GLB1: variants seen among roughly 807,000 people sequenced by gnomAD.
GLB1 encodes the protein beta-galactosidase.
A neutral mutation model predicts 74.0 loss-of-function variants in GLB1; 56 were observed. The ratio of observed to expected loss-of-function variants is 0.76; its 90% confidence interval spans 0.61 to 0.94. The LOEUF is 0.94. GLB1 is among the 40% of genes least tolerant of loss of function. The pLI is 0.00. For missense variants in GLB1, 787 were observed against 845.5 expected (o/e 0.93, Z 0.86); for synonymous variants, 323 against 323.6 (o/e 1.00, Z 0.02).
rs921799726 is a variant in GLB1, at chr3:33,021,479, T to G, written c.1233+87A>C. On this transcript the variant is annotated intron_variant, in intron 12 of 15. Coordinates refer to ENST00000307363, the MANE Select transcript of GLB1 (RefSeq NM_000404.4). ...TGCATTTGCTTACCATTTTGGCCCC[T>G]GAATTCAGAATGGGCACTGCAAGGC... 9.0e-6 allele frequency: 13 copies of G among 1,450,012 alleles called. No homozygotes were observed. In the East Asian group the frequency reaches 9.5e-5, roughly 11 times the overall value. 89.8% of individuals were successfully genotyped at this position (1,450,012 alleles called of 1,614,324 possible). A position where few individuals can be genotyped will look rare whatever the true frequency, so the allele number is the denominator to read the frequency against.
chr3:33,060,547 C>T (rs553368868), intron 5 of GLB1, among the ~76,000 whole-genome samples: 1 of 152,318 alleles, frequency 6.6e-6, no homozygotes, highest in South Asian at 2.1e-4. Flanking sequence ...CTCACAGCCT[C>T]TGTACCTCAT....
intron 9 of GLB1, among the ~76,000 whole-genome samples, chr3:33,049,793 G>A (rs1698901399): frequency 6.6e-6 from 1 of 151,830 alleles, no homozygotes; most frequent in South Asian, 2.1e-4. Flanking sequence ...ACCCAGACAC[G>A]CCCCAGGCAC....
At chr3:33,076,803 A>T (rs554154037) in intron 1 of GLB1, among the ~76,000 whole-genome samples, 1 of 152,374 alleles carries the variant, frequency 6.6e-6, no homozygotes, top group East Asian at 1.9e-4. Context: ...GTACCAACTC[A>T]TTACTATGAA....
chr3:32,970,806 A>G, the GLB1 span, among the ~76,000 whole-genome samples: 1 of 152,140 alleles, frequency 6.6e-6, no homozygotes, highest in African/African-American at 2.4e-5. Flanking sequence ...CCCTGCTCTG[A>G]CCACACTGGA....
chr3:33,018,074 C>T (rs1016890815), intron 13 of GLB1, among the ~76,000 whole-genome samples: 8 of 151,660 alleles, frequency 5.3e-5, no homozygotes, highest in African/African-American at 1.2e-4. Flanking sequence ...ACTTGAGCTC[C>T]GGAGTTCAAG....
rs560092658 is a variant in GLB1, at chr3:33,063,434, G to C, written c.552+2029C>G. Among the ~76,000 whole-genome samples, 3 of 125,130 alleles carry C rather than the reference G, an allele frequency of 2.4e-5. No individual in the cohort carries two copies. In the South Asian group the frequency reaches 6.9e-4, roughly 29 times the overall value. The allele number at this position is 125,130 out of a possible 152,430, so 82.1% of individuals were successfully genotyped here. ...GCATGTGGAGATGGGAAGGGGAGAG[G>C]AGGAGGAGGAGGGGGACAGAGTCAC... On this transcript the variant is annotated intron_variant, in intron 5 of 15. Coordinates refer to ENST00000307363, the MANE Select transcript of GLB1 (RefSeq NM_000404.4).
chr3:32,995,481 T>C (rs1696291970), downstream of GLB1, among the ~76,000 whole-genome samples: 1 of 152,072 alleles, frequency 6.6e-6, no homozygotes, highest in South Asian at 2.1e-4. Flanking sequence ...AAAAAGGTAC[T>C]ATGGAAAAAC....
chr3:32,966,009 T>C, the GLB1 span, among the ~76,000 whole-genome samples: 8 of 152,272 alleles, frequency 5.3e-5, no homozygotes, highest in Admixed American at 5.2e-4. Flanking sequence ...CAGGCAGAAG[T>C]TTGCTGCAGT....
At chr3:33,001,649 T>C (rs1696575050) in intron 15 of GLB1, among the ~76,000 whole-genome samples, 1 of 152,186 alleles carries the variant, frequency 6.6e-6, no homozygotes, top group Non-Finnish European at 1.5e-5. Flanking sequence ...GAAGGGAAAG[T>C]CTTTGTCCAT....
intron 2 of GLB1, 46 bp downstream of exon 2, chr3:33,072,498 A>G (rs888226450): frequency 1.6e-5 from 26 of 1,611,572 alleles, no homozygotes; most frequent in African/African-American, 1.1e-4. Flanking sequence ...TTCTCTCCAG[A>G]GTGGGTGTTC....
intron 11 of GLB1, among the ~76,000 whole-genome samples, chr3:33,022,203 A>G (rs940241981): frequency 1.3e-5 from 2 of 152,180 alleles, no homozygotes; most frequent in Non-Finnish European, 2.9e-5. Flanking sequence ...CAGCTCCTTA[A>G]GGATAAGATA....
At chr3:32,983,910 C>G in the GLB1 span, among the ~76,000 whole-genome samples, 1 of 151,918 alleles carries the variant, frequency 6.6e-6, no homozygotes, top group Non-Finnish European at 1.5e-5. Flanking sequence ...GTCTTGAACT[C>G]CATGGCTGAA....
At chr3:32,982,289 G>A in the GLB1 span, among the ~76,000 whole-genome samples, 38 of 149,080 alleles carry the variant, frequency 2.5e-4, no homozygotes, top group Admixed American at 1.4e-3. Context: ...CTCCAGCCTG[G>A]GCAACAAGAG....
intron 15 of GLB1, among the ~76,000 whole-genome samples, chr3:33,012,088 CT>C (rs1380459041): frequency 6.6e-6 from 1 of 152,180 alleles, no homozygotes; most frequent in Non-Finnish European, 1.5e-5. Context: ...AAACATCAGC[CT>C]TACGTCCTCT....
intron 4 of GLB1, among the ~76,000 whole-genome samples, chr3:33,066,793 A>G (rs1699700914): frequency 6.6e-6 from 1 of 152,202 alleles, no homozygotes; most frequent in Non-Finnish European, 1.5e-5. Flanking sequence ...TACATGCCAC[A>G]TAAAGTTGGC....
intron 10 of GLB1, among the ~76,000 whole-genome samples, chr3:33,032,848 CAT>C (rs1172620556): frequency 1.3e-5 from 2 of 152,236 alleles, no homozygotes; most frequent in Admixed American, 1.3e-4. Context: ...CCAGCATGTT[CAT>C]AGTGTCATAT....
In GLB1 at chr3:33,024,851, C is replaced by G. The variant is rs529906162; in HGVS notation, c.1069-526G>C. ...ATGATTTAGAAAACACACACACAGACAGAGAGAGAGAAGAAACAAGTCTAT... is the reference window on the plus strand; with the variant it reads ...ATGATTTAGAAAACACACACACAGAGAGAGAGAGAGAAGAAACAAGTCTAT... On this transcript the variant is annotated intron_variant, in intron 10 of 15. Transcript: ENST00000307363. Among the ~76,000 whole-genome samples, 259 of 150,510 alleles carry G rather than the reference C, an allele frequency of 1.7e-3. 3 individuals carry two copies. The highest frequency in any genetic ancestry group is 6.0e-3 in the African/African-American group (245 of 41,132).
At position 33,091,552 on chromosome 3, in the gene GLB1, T is replaced by C. The variant is rs1379890955; in HGVS notation, c.75+5459A>G. 5 of 985,364 alleles carry C rather than the reference T, an allele frequency of 5.1e-6. No homozygotes were observed. In the African/African-American group the frequency reaches 7.0e-5, roughly 14 times the overall value. 61.0% of individuals were successfully genotyped at this position (985,364 alleles called of 1,614,324 possible). A position where few individuals can be genotyped will look rare whatever the true frequency, so the allele number is the denominator to read the frequency against. ...CACTGGAACGTTGAAAAATTAACAT[T>C]GAGTGTTTACTGTGCACGCTGTGCC... On this transcript the variant is annotated intron_variant, in intron 1 of 15. Transcript: ENST00000307363.
chr3:32,993,351 C>T (rs796091419), downstream of GLB1, among the ~76,000 whole-genome samples: 12 of 151,876 alleles, frequency 7.9e-5, no homozygotes, highest in African/African-American at 2.9e-4. Flanking sequence ...TCTGCAAATT[C>T]TAAGTGTGAT....
Sources: gnomAD v4.1 joint callset for allele counts (sites outside exome capture counted in the v4.1 genomes callset) on GRCh38, gnomAD v4.1.1 for gene constraint, MANE v1.5 for transcripts, NCBI Gene and HGNC (gene_info 2026-07-23, HGNC 2026-07-21) for gene names.